The following IRF2 variants were observed in gnomAD, a reference collection of about 807,000 sequenced individuals.
IRF2 encodes the protein interferon regulatory factor 2.
A neutral mutation model predicts 40.6 loss-of-function variants in IRF2; 15 were observed. The observed-to-expected ratio is 0.37, with a 90% CI of 0.25 to 0.57. The LOEUF (loss-of-function observed/expected upper bound fraction) is 0.57, where lower values mean the gene tolerates loss of function less well. Among genes scored for constraint, IRF2 ranks in the 20% least tolerant of loss-of-function variants. The pLI is 0.77. For missense variants in IRF2, 317 were observed against 455.7 expected, an observed-to-expected ratio of 0.70 and a Z score of 2.77; for synonymous variants, 151 against 165.5, an observed-to-expected ratio of 0.91 and a Z score of 0.67.
At chr4:184,414,721 A>G (rs1231904604) in intron 5 of IRF2, among the ~76,000 whole-genome samples, 2 of 152,252 alleles carry the variant, frequency 1.3e-5, no homozygotes, top group East Asian at 3.8e-4. Flanking sequence ...TAGCATGGAG[A>G]TAAATCATGA....
intron 2 of IRF2, among the ~76,000 whole-genome samples, chr4:184,426,696 C>A (rs1478313592): frequency 6.6e-6 from 1 of 152,178 alleles, no homozygotes; most frequent in Non-Finnish European, 1.5e-5. Context: ...ATATCAGGCA[C>A]CTGCTCAACA....
chr4:184,413,103 C>T lies in IRF2; in HGVS notation c.412-4828G>A, dbSNP rs932552601. On this transcript the variant is annotated intron_variant, in intron 5 of 8. Coordinates refer to ENST00000393593, the MANE Select transcript of IRF2 (RefSeq NM_002199.4). This position sits in a 1 kb window ranked among gnomAD's most constrained non-coding sequence, Gnocchi z 4.2. ...TTAGGCCGCTCTTATCTGCATCCTC[C>T]GTACCCTCTTCCACTTTCTGGAGAA... Among the ~76,000 whole-genome samples the T allele has an allele frequency of 6.6e-6, 1 of 152,358 alleles. No homozygotes were observed. Among genetic ancestry groups the T allele is most frequent in the East Asian group, 1.9e-4 (1 of 5,188 alleles).
rs568731944 is a variant in IRF2 at position 184,452,878 on chromosome 4, A to T, written c.-7+21501T>A. Among the ~76,000 whole-genome samples the T allele has an allele frequency of 3.9e-5, 6 of 152,010 alleles. No individual in the cohort carries two copies. In the Middle Eastern group the frequency reaches 0.01, roughly 260 times the overall value. On this transcript the variant is annotated intron_variant, in intron 1 of 8. Transcript: ENST00000393593. ...TATCTAGAATAGTGTTTTGCATCTT[A>T]CATGCACTATGGGAGTATAAAATAG...
chr4:184,392,070 T>G (rs1244868056), intron 7 of IRF2, among the ~76,000 whole-genome samples: 1 of 152,246 alleles, frequency 6.6e-6, no homozygotes, highest in Non-Finnish European at 1.5e-5. Context: ...AAAAAGCTTT[T>G]TAAACGTAAA....
At chr4:184,394,384 C>A (rs1736370693) in intron 7 of IRF2, among the ~76,000 whole-genome samples, 1 of 152,212 alleles carries the variant, frequency 6.6e-6, no homozygotes, top group Non-Finnish European at 1.5e-5. Context: ...GCATTTTCAC[C>A]TGAAAGGCTT....
At chr4:184,426,282 C>T (rs1022325745) in intron 2 of IRF2, among the ~76,000 whole-genome samples, 9 of 152,332 alleles carry the variant, frequency 5.9e-5, no homozygotes, top group South Asian at 4.1e-4. Flanking sequence ...TCCCAAAGTG[C>T]GGGGATTACA....
Position 184,393,454 on chromosome 4 carries a change from T to C in IRF2, c.695-2705A>G, listed in dbSNP as rs139068478. Among the ~76,000 whole-genome samples, 142 of 152,298 alleles carry C rather than the reference T, an allele frequency of 9.3e-4. 1 individual carries two copies. Among genetic ancestry groups the C allele is most frequent in the African/African-American group, 3.4e-3 (140 of 41,556 alleles). On this transcript the variant is annotated intron_variant, in intron 7 of 8. Transcript: ENST00000393593. ...AACAAAGATACGCAACCAAGCATGCTTTGGGGGCTGGGATTCCAGCACAGC... is the reference window on the plus strand; with the variant it reads ...AACAAAGATACGCAACCAAGCATGCCTTGGGGGCTGGGATTCCAGCACAGC...
At chr4:184,395,873 T>G (rs898074267) in intron 7 of IRF2, among the ~76,000 whole-genome samples, 12 of 152,232 alleles carry the variant, frequency 7.9e-5, no homozygotes, top group Non-Finnish European at 2.9e-5. Context: ...AATGTTCATT[T>G]CTCTCTGCAT....
intron 2 of IRF2, among the ~76,000 whole-genome samples, chr4:184,424,438 C>A (rs1278659006): frequency 6.6e-6 from 1 of 152,138 alleles, no homozygotes; most frequent in African/African-American, 2.4e-5. Flanking sequence ...GTGATTGAGT[C>A]ATGAGGGCCC....
chr4:184,398,369 A>G (rs1736540180), intron 7 of IRF2, among the ~76,000 whole-genome samples: 1 of 152,190 alleles, frequency 6.6e-6, no homozygotes, highest in Non-Finnish European at 1.5e-5. Context: ...TAAAAATGTT[A>G]TGGGAGGCCA....
Position 184,389,034 on chromosome 4 carries a change from T to A in IRF2, c.774A>T (p.Glu258Asp), listed in dbSNP as rs1736154638. The A allele has an allele frequency of 6.2e-6, 10 of 1,614,194 alleles. No individual in the cohort carries two copies. Among genetic ancestry groups the A allele is most frequent in the Non-Finnish European group, 8.5e-6 (10 of 1,180,030 alleles). ...CCATGTTGCTGAGGTACTGTTTGCC[T>A]TCAATATTCCTCTTCCGCCAGTGTG... ...GRPHWRKRNI[E>D]GKQYLSNMGT... The change falls in exon 9 of 9, where the codon GAA (glutamate) becomes GAT (aspartate). Residue 258 changes from glutamate (E) to aspartate (D), a missense_variant. Around this residue, in one of 2 missense-constraint regions of IRF2, gnomAD observed 262 missense variants for 334.0 expected, o/e 0.78. Transcript: ENST00000393593.
At chr4:184,445,654 C>CAAA (rs386683242) in intron 1 of IRF2, among the ~76,000 whole-genome samples, 8,743 of 120,668 alleles carry the variant, frequency 0.072, 556 homozygotes, top group East Asian at 0.32. Flanking sequence ...GACTCCATCA[C>CAAA]AAAAAAAAAA....
chr4:184,427,517 G>C (rs187510687), intron 2 of IRF2, among the ~76,000 whole-genome samples: 95 of 152,242 alleles, frequency 6.2e-4, no homozygotes, highest in Admixed American at 1.4e-3. Flanking sequence ...ATCCAGGAGC[G>C]CACCTGTGGT....
chr4:184,398,875 C>A, intron 7 of IRF2, 40 bp downstream of exon 7: 1 of 1,545,824 alleles, frequency 6.5e-7, no homozygotes, highest in Non-Finnish European at 8.7e-7. Context: ...GACTGCGCGG[C>A]CGGTTCCCAC....
chr4:184,443,405 C>A (rs1738385728), intron 1 of IRF2, among the ~76,000 whole-genome samples: 1 of 152,158 alleles, frequency 6.6e-6, no homozygotes, highest in South Asian at 2.1e-4. Context: ...GTTTCTTGTT[C>A]CCATCCTCAT....
intron 1 of IRF2, among the ~76,000 whole-genome samples, chr4:184,464,860 C>CT (rs577703520): frequency 8.7e-5 from 13 of 149,594 alleles, no homozygotes; most frequent in South Asian, 2.1e-4. Context: ...TTTTCTTCTT[C>CT]TTTTTTTTTT....
At chr4:184,468,414 G>A (rs2149920318) in intron 1 of IRF2, among the ~76,000 whole-genome samples, 1 of 151,258 alleles carries the variant, frequency 6.6e-6, no homozygotes, top group South Asian at 2.1e-4. Flanking sequence ...TTTAACCCAG[G>A]AGGCGGAGGT....
At chr4:184,430,879 A>G (rs1245332874) in intron 1 of IRF2, among the ~76,000 whole-genome samples, 1 of 151,858 alleles carries the variant, frequency 6.6e-6, no homozygotes, top group Non-Finnish European at 1.5e-5. Context: ...TATTTTTTGT[A>G]GAGCTGGGGT....
At chr4:184,404,629 A>G (rs944121203) in intron 6 of IRF2, among the ~76,000 whole-genome samples, 4 of 152,218 alleles carry the variant, frequency 2.6e-5, no homozygotes, top group African/African-American at 9.6e-5. Flanking sequence ...TAAATAAAAA[A>G]CTTCAGAAGC....
Sources: allele counts gnomAD v4.1 joint callset (sites outside exome capture counted in the v4.1 genomes callset), GRCh38; gene constraint gnomAD v4.1.1; regional missense constraint gnomAD v4.1.1; non-coding constraint Gnocchi (gnomAD v3.1); transcripts MANE v1.5; gene names NCBI Gene and HGNC (gene_info 2026-07-23, HGNC 2026-07-21).